Variants in TACR3 observed in about 807,000 individuals in gnomAD.
TACR3 encodes the protein neuromedin-K receptor.
A neutral mutation model predicts 35.0 loss-of-function variants in TACR3; 34 were observed. The observed-to-expected ratio is 0.97, with a 90% CI of 0.74 to 1.30. TACR3 has a LOEUF of 1.30. Among genes scored for constraint, TACR3 ranks in the 50% most tolerant of loss-of-function variants. TACR3 has a pLI of 0.00. For synonymous variants in TACR3, 233 were observed against 221.1 expected (o/e 1.05, Z -0.48); for missense variants, 558 against 591.7 (o/e 0.94, Z 0.59).
At chr4:103,606,489 C>G (rs1257066651) in intron 3 of TACR3, among the ~76,000 whole-genome samples, 2 of 151,686 alleles carry the variant, frequency 1.3e-5, no homozygotes, top group African/African-American at 2.4e-5. Context: ...TTTGTATCCT[C>G]TTTTATTTCA....
At chr4:103,620,398 A>G (rs1724748259) in intron 3 of TACR3, among the ~76,000 whole-genome samples, 1 of 152,238 alleles carries the variant, frequency 6.6e-6, no homozygotes, top group Non-Finnish European at 1.5e-5. Flanking sequence ...CAGCATTCCC[A>G]TTACTGGGTA....
chr4:103,619,188 C>T (rs1484665860), intron 3 of TACR3, among the ~76,000 whole-genome samples: 1 of 151,922 alleles, frequency 6.6e-6, no homozygotes, highest in African/African-American at 2.4e-5. Context: ...AGAGAGATAG[C>T]GTGACTTCCT....
chr4:103,687,345 G>A (rs1004419742), intron 1 of TACR3, among the ~76,000 whole-genome samples: 14 of 152,092 alleles, frequency 9.2e-5, no homozygotes, highest in African/African-American at 3.4e-4. Flanking sequence ...ACAAGACAGG[G>A]ATGCCCTCTC....
chr4:103,631,798 G>A (rs1388952954), intron 3 of TACR3, among the ~76,000 whole-genome samples: 1 of 152,140 alleles, frequency 6.6e-6, no homozygotes, highest in Non-Finnish European at 1.5e-5. Flanking sequence ...CTGGCATTAT[G>A]CTAGGCACTG....
In TACR3 at chr4:103,631,956, T is replaced by C. The variant is rs180925828; in HGVS notation, c.888+24238A>G. ...GATTTATCTTGTTCTTTCCTCTATT[T>C]TTTAAGTCTAATAGCTGTGCGAGCT... On this transcript the variant is annotated intron_variant, in intron 3 of 4. Transcript: ENST00000304883. Among the ~76,000 whole-genome samples the C allele has an allele frequency of 3.3e-3, 507 of 152,310 alleles. 5 individuals are homozygous for C. Among genetic ancestry groups the C allele is most frequent in the African/African-American group, 0.011 (469 of 41,568 alleles).
chr4:103,692,061 C>T (rs1161335105), intron 1 of TACR3, among the ~76,000 whole-genome samples: 1 of 152,072 alleles, frequency 6.6e-6, no homozygotes, highest in African/African-American at 2.4e-5. Flanking sequence ...GGGTTAGGGT[C>T]TCCTGGACCG....
intron 1 of TACR3, among the ~76,000 whole-genome samples, chr4:103,698,541 C>T (rs1475824004): frequency 2.0e-5 from 3 of 151,082 alleles, no homozygotes; most frequent in Non-Finnish European, 4.4e-5. Context: ...ATTTTCTTTT[C>T]TTTTTTTTCT....
Position 103,589,628 on chromosome 4 carries a change from C to G in TACR3, c.*54G>C. The G allele has an allele frequency of 6.2e-7, 1 of 1,604,290 alleles. No homozygotes were observed. The highest frequency in any genetic ancestry group is 8.5e-7 in the Non-Finnish European group (1 of 1,172,154). Reference sequence around the variant, plus strand: ...GGACTGGTAAATAGGAGAATGGGGTCCTAGACTGGCACCATGATGGTCTCA... The same window carrying G: ...GGACTGGTAAATAGGAGAATGGGGTGCTAGACTGGCACCATGATGGTCTCA... On this transcript the variant is annotated 3_prime_UTR_variant, in exon 5 of 5. Transcript: ENST00000304883.
intron 1 of TACR3, among the ~76,000 whole-genome samples, chr4:103,671,956 T>C (rs1023982932): frequency 3.9e-5 from 6 of 152,284 alleles, no homozygotes; most frequent in African/African-American, 1.4e-4. Flanking sequence ...GTCAATACTC[T>C]CAAACCCTGC....
At chr4:103,691,258 T>C (rs2110216990) in intron 1 of TACR3, among the ~76,000 whole-genome samples, 1 of 152,282 alleles carries the variant, frequency 6.6e-6, no homozygotes, top group East Asian at 1.9e-4. Flanking sequence ...TGGAATACCC[T>C]CAGGGATAGA....
intron 1 of TACR3, among the ~76,000 whole-genome samples, chr4:103,696,133 A>G (rs1027040924): frequency 2.6e-5 from 4 of 152,134 alleles, no homozygotes; most frequent in African/African-American, 7.2e-5. Context: ...AAGAGTATCT[A>G]TTGATTACCA....
chr4:103,671,001 AAC>A (rs1659230893), intron 1 of TACR3, among the ~76,000 whole-genome samples: 1 of 151,968 alleles, frequency 6.6e-6, no homozygotes, highest in Admixed American at 6.6e-5. Context: ...CCAGTTTGAT[AAC>A]AGTTTTTAAT....
At chr4:103,701,295 C>G (rs1722643686) in intron 1 of TACR3, among the ~76,000 whole-genome samples, 1 of 151,804 alleles carries the variant, frequency 6.6e-6, no homozygotes. Context: ...AACTCCCATT[C>G]ACAATTGCTT....
At chr4:103,603,466 AT>A (rs1241563176) in intron 3 of TACR3, among the ~76,000 whole-genome samples, 6 of 152,148 alleles carry the variant, frequency 3.9e-5, no homozygotes, top group Admixed American at 2.0e-4. Context: ...AAATGTAGAA[AT>A]CACCCGTCTT....
chr4:103,600,081 G>A (rs538888979), intron 3 of TACR3, among the ~76,000 whole-genome samples: 209 of 152,100 alleles, frequency 1.4e-3, no homozygotes, highest in African/African-American at 4.7e-3. Flanking sequence ...AATCCATCTG[G>A]TCCTGGACTT....
intron 1 of TACR3, among the ~76,000 whole-genome samples, chr4:103,693,297 A>C (rs1358760332): frequency 6.6e-6 from 1 of 152,192 alleles, no homozygotes; most frequent in Non-Finnish European, 1.5e-5. Flanking sequence ...ATTGTTAAAA[A>C]TTTGCAAACA....
chr4:103,641,000 C>A lies in TACR3; in HGVS notation c.888+15194G>T, dbSNP rs528080926. Among the ~76,000 whole-genome samples the A allele has an allele frequency of 2.0e-5, 3 of 151,992 alleles. No individual in the cohort carries two copies. The South Asian group carries it at 6.2e-4, about 32-fold the overall frequency. ...ATTCAGACAAATGTCATAAAGCTTTCCCCTTATTTTTTCTTCTAGTAGTTT... is the reference window on the plus strand; with the variant it reads ...ATTCAGACAAATGTCATAAAGCTTTACCCTTATTTTTTCTTCTAGTAGTTT... On this transcript the variant is annotated intron_variant, in intron 3 of 4. Transcript: ENST00000304883.
At chr4:103,614,917 CAG>C (rs1724606532) in intron 3 of TACR3, among the ~76,000 whole-genome samples, 1 of 57,392 alleles carries the variant, frequency 1.7e-5, no homozygotes, top group Admixed American at 2.5e-4. Context: ...TTTTTTGAGA[CAG>C]AGTCTTGCTC....
chr4:103,629,861 CAA>C (rs373706568), intron 3 of TACR3, among the ~76,000 whole-genome samples: 1 of 98,520 alleles, frequency 1.0e-5, no homozygotes, highest in African/African-American at 4.2e-5. Flanking sequence ...AAAAAAAAAA[CAA>C]AAAAAAAACA....
Sources: allele counts gnomAD v4.1 joint callset (sites outside exome capture counted in the v4.1 genomes callset), GRCh38; gene constraint gnomAD v4.1.1; transcripts MANE v1.5; gene names NCBI Gene and HGNC (gene_info 2026-07-23, HGNC 2026-07-21).